KCNK12: variants seen among roughly 807,000 people sequenced by gnomAD.
KCNK12 encodes potassium channel subfamily K member 12.
A neutral mutation model predicts 25.3 loss-of-function variants in KCNK12; 6 were observed. The observed-to-expected ratio is 0.24, with a 90% confidence interval of 0.13 to 0.47. The LOEUF is 0.47. KCNK12 is among the 20% of genes least tolerant of loss of function. The pLI is 0.99. For missense variants in KCNK12, 444 were observed against 661.7 expected (o/e 0.67, Z 3.61); for synonymous variants, 331 against 311.1 (o/e 1.06, Z -0.67).
In KCNK12 at chr2:47,512,435, C is replaced by G. The variant is rs114545543; in HGVS notation, c.*8472G>C. The G allele has an allele frequency of 5.8e-4, 924 of 1,599,998 alleles. 3 individuals are homozygous for G. The African/African-American group carries it at 0.011, about 18-fold the overall frequency. On this transcript the variant is annotated 3_prime_UTR_variant, in exon 2 of 2. Coordinates refer to ENST00000327876, the MANE Select transcript of KCNK12 (RefSeq NM_022055.2). ...CCAGGGCAGTGGTGAGCTCTCATGA[C>G]CTGGTGTCTGTTGCCTTCTGGTTAA...
Position 47,569,927 on chromosome 2 carries a change from G to T in KCNK12, c.391+14C>A. 1.5e-6 allele frequency: 2 copies of T among 1,368,266 alleles called. No homozygotes were observed. Among genetic ancestry groups the T allele is most frequent in the Non-Finnish European group, 1.9e-6 (2 of 1,055,026 alleles). 84.8% of individuals were successfully genotyped at this position (1,368,266 alleles called of 1,614,324 possible). A position where few individuals can be genotyped will look rare whatever the true frequency, so the allele number is the denominator to read the frequency against. On this transcript the variant is annotated intron_variant, in intron 1 of 1. Coordinates refer to ENST00000327876, the MANE Select transcript of KCNK12 (RefSeq NM_022055.2). This position sits in a 1 kb window ranked among gnomAD's most constrained non-coding sequence, Gnocchi z 4.1. Reference sequence around the variant, plus strand: ...GCACAGAGAGGAAAGATGCGCGGGGGACGCGCCGCTCACCTATGGTTGACA... The same window carrying T: ...GCACAGAGAGGAAAGATGCGCGGGGTACGCGCCGCTCACCTATGGTTGACA...
In KCNK12 at chr2:47,515,591, C is replaced by T. The variant is rs1420128318; in HGVS notation, c.*5316G>A. Reference sequence around the variant, plus strand: ...TCCCTGCTGTAGATAAAAGATGGAGCTTGTGCTTCTGAGTGGTCATGCTCA... The same window carrying T: ...TCCCTGCTGTAGATAAAAGATGGAGTTTGTGCTTCTGAGTGGTCATGCTCA... On this transcript the variant is annotated 3_prime_UTR_variant, in exon 2 of 2. Transcript: ENST00000327876. Among the ~76,000 whole-genome samples, 1 of 152,132 alleles carries T rather than the reference C, an allele frequency of 6.6e-6. No homozygotes were observed. The highest frequency in any genetic ancestry group is 1.5e-5 in the Non-Finnish European group (1 of 68,028).
intron 1 of KCNK12, among the ~76,000 whole-genome samples, chr2:47,550,378 CTTTT>C (rs746872422): frequency 9.7e-6 from 1 of 103,182 alleles, no homozygotes; most frequent in Non-Finnish European, 1.8e-5. Context: ...TATTCACAGA[CTTTT>C]TTTTTTTTTT....
Position 47,569,568 on chromosome 2 carries a change from A to C in KCNK12, c.391+373T>G, listed in dbSNP as rs1669846935. On this transcript the variant is annotated intron_variant, in intron 1 of 1. Coordinates refer to ENST00000327876, the MANE Select transcript of KCNK12 (RefSeq NM_022055.2). This position sits in a 1 kb window ranked among gnomAD's most constrained non-coding sequence, Gnocchi z 4.1. Reference sequence around the variant, plus strand: ...AGGGTGGAGGGAGAAGGGGCTTTTGAGATCATCCTGGAGAGGAAACTGAGG... The same window carrying C: ...AGGGTGGAGGGAGAAGGGGCTTTTGCGATCATCCTGGAGAGGAAACTGAGG... Among the ~76,000 whole-genome samples the C allele has an allele frequency of 6.6e-6, 1 of 152,170 alleles. No homozygotes were observed. The highest frequency in any genetic ancestry group is 1.5e-5 in the Non-Finnish European group (1 of 68,022).
Position 47,529,711 on chromosome 2 carries a change from A to G in KCNK12, c.392-7903T>C, listed in dbSNP as rs1402315321. Among the ~76,000 whole-genome samples the G allele has an allele frequency of 6.6e-6, 1 of 152,188 alleles. No homozygotes were observed. Among genetic ancestry groups the G allele is most frequent in the Non-Finnish European group, 1.5e-5 (1 of 68,030 alleles). The stretch of plus-strand genomic sequence containing the variant: ...GCAGAGCATTTTCATGACTACAGAG[A>G]AACCATGGGAAGGCTGAGGCGTGGA... On this transcript the variant is annotated intron_variant, in intron 1 of 1. Coordinates refer to ENST00000327876, the MANE Select transcript of KCNK12 (RefSeq NM_022055.2). The surrounding 1 kb of genome is among the most constrained non-coding windows in gnomAD (Gnocchi z 4.3).
chr2:47,543,880 T>G (rs1572597480), intron 1 of KCNK12: 1 of 152,360 alleles, frequency 6.6e-6, no homozygotes, highest in Admixed American at 6.5e-5. Context: ...CCCACCCAGC[T>G]TCAATCCTCA....
chr2:47,560,919 C>A lies in KCNK12; in HGVS notation c.391+9022G>T, dbSNP rs1351472060. On this transcript the variant is annotated intron_variant, in intron 1 of 1. Transcript: ENST00000327876. This position sits in a 1 kb window ranked among gnomAD's most constrained non-coding sequence, Gnocchi z 4.7. ...CTGTCCTGCTCCGGGAGGCTTCTGC[C>A]TGGGAAGGGGGTCCCGGTGCTTCCT... is the stretch of plus-strand genomic sequence containing the variant. 3.9e-5 allele frequency among the ~76,000 whole-genome samples: 6 copies of A among 152,166 alleles called. No individual in the cohort carries two copies. Among genetic ancestry groups the A allele is most frequent in the Admixed American group, 3.9e-4 (6 of 15,280 alleles).
chr2:47,541,978 T>TAGCAGCAGCAGCAGC (rs908359477), intron 1 of KCNK12, among the ~76,000 whole-genome samples: 3 of 152,104 alleles, frequency 2.0e-5, no homozygotes, highest in Non-Finnish European at 2.9e-5. Context: ...CTGTTTTCTG[T>TAGCAGCAGCAGCAGC]AGCAGCAGCA....
intron 1 of KCNK12, chr2:47,535,344 C>T (rs977344562): frequency 8.6e-6 from 2 of 232,684 alleles, no homozygotes; most frequent in Non-Finnish European, 1.7e-5. Context: ...GCACATGGGT[C>T]TCTCTCTCTT....
chr2:47,568,250 A>G (rs1488455721), intron 1 of KCNK12, among the ~76,000 whole-genome samples: 1 of 151,960 alleles, frequency 6.6e-6, no homozygotes, highest in African/African-American at 2.4e-5. Flanking sequence ...ACAATGAGCT[A>G]TGGATGCATG....
chr2:47,534,313 C>T (rs979689067), intron 1 of KCNK12, among the ~76,000 whole-genome samples: 9 of 152,088 alleles, frequency 5.9e-5, no homozygotes, highest in African/African-American at 1.2e-4. Context: ...TATTAAAAGC[C>T]GGTTAACCAC....
chr2:47,516,658 G>A lies in KCNK12; in HGVS notation c.*4249C>T, dbSNP rs1177555973. 2.6e-5 allele frequency: 4 copies of A among 152,216 alleles called. No homozygotes were observed. Among genetic ancestry groups the A allele is most frequent in the African/African-American group, 7.2e-5 (3 of 41,444 alleles). The allele number at this position is 152,216 out of a possible 1,614,324, so 9.4% of individuals were successfully genotyped here. A position where few individuals can be genotyped will look rare whatever the true frequency, so the allele number is the denominator to read the frequency against. ...TGGAATGCTGCTCAGAAAAATAGATGTATTGTTTGAGAAACCCTGCAGGCT... is the reference window on the plus strand; with the variant it reads ...TGGAATGCTGCTCAGAAAAATAGATATATTGTTTGAGAAACCCTGCAGGCT... On this transcript the variant is annotated 3_prime_UTR_variant, in exon 2 of 2. Coordinates refer to ENST00000327876, the MANE Select transcript of KCNK12 (RefSeq NM_022055.2).
In KCNK12 at chr2:47,567,571, A is replaced by G. The variant is rs1284428124; in HGVS notation, c.391+2370T>C. On this transcript the variant is annotated intron_variant, in intron 1 of 1. Coordinates refer to ENST00000327876, the MANE Select transcript of KCNK12 (RefSeq NM_022055.2). ...CTTATCTGACTGATGGAAGTGACCA[A>G]TTTGAACCACTGACCCCAGAATATC... Among the ~76,000 whole-genome samples, 4 of 152,202 alleles carry G rather than the reference A, an allele frequency of 2.6e-5. No homozygotes were observed. The East Asian group carries it at 7.7e-4, about 29-fold the overall frequency.
chr2:47,535,812 G>C (rs1012865068), intron 1 of KCNK12, among the ~76,000 whole-genome samples: 1 of 152,156 alleles, frequency 6.6e-6, no homozygotes, highest in Non-Finnish European at 1.5e-5. Context: ...TACTGCGCCA[G>C]GGTACTTGCT....
intron 1 of KCNK12, among the ~76,000 whole-genome samples, chr2:47,541,780 G>C (rs1669205705): frequency 6.6e-6 from 1 of 152,192 alleles, no homozygotes; most frequent in South Asian, 2.1e-4. Flanking sequence ...CAAGGAGAGA[G>C]TCCTCAGGAG....
Position 47,548,491 on chromosome 2 carries a change from A to T in KCNK12, c.391+21450T>A, listed in dbSNP as rs139351350. 1.7e-3 allele frequency among the ~76,000 whole-genome samples: 257 copies of T among 152,310 alleles called. No individual in the cohort carries two copies. The highest frequency in any genetic ancestry group is 6.0e-3 in the African/African-American group (250 of 41,562). On this transcript the variant is annotated intron_variant, in intron 1 of 1. Coordinates refer to ENST00000327876, the MANE Select transcript of KCNK12 (RefSeq NM_022055.2). The surrounding 1 kb of genome is among the most constrained non-coding windows in gnomAD (Gnocchi z 4.4). ...TGGCAAATCCATCCTTGCAGTTGCT[A>T]AGGGCAAAAGTCTTAGAGCCCTTTT...
intron 1 of KCNK12, among the ~76,000 whole-genome samples, chr2:47,523,196 C>T (rs759331182): frequency 6.6e-6 from 1 of 152,208 alleles, no homozygotes; most frequent in African/African-American, 2.4e-5. Flanking sequence ...TGGGATTGTT[C>T]ACTCTGGGAC....
Position 47,564,633 on chromosome 2 carries a change from A to G in KCNK12, c.391+5308T>C, listed in dbSNP as rs542797010. The G allele has an allele frequency of 3.3e-5, 6 of 182,382 alleles. No homozygotes were observed. The South Asian group carries it at 5.9e-4, about 18-fold the overall frequency. The allele number at this position is 182,382 out of a possible 1,614,324, so 11.3% of individuals were successfully genotyped here. A position where few individuals can be genotyped will look rare whatever the true frequency, so the allele number is the denominator to read the frequency against. ...TACAAAAGGCATGACAAGGAACTGC[A>G]GGGGAACGTGCAGACATGAAGAGTT... On this transcript the variant is annotated intron_variant, in intron 1 of 1. Transcript: ENST00000327876.
In KCNK12 at chr2:47,512,786, G is replaced by A. The variant is rs961988509; in HGVS notation, c.*8121C>T. On this transcript the variant is annotated 3_prime_UTR_variant, in exon 2 of 2. Coordinates refer to ENST00000327876, the MANE Select transcript of KCNK12 (RefSeq NM_022055.2). ...GTTGGTTGGGGAGGGCAGGAAGAGG[G>A]AGGAAAGAGGAAGGGACTCACTTCC... 6 of 203,724 alleles carry A rather than the reference G, an allele frequency of 2.9e-5. No individual in the cohort carries two copies. The East Asian group carries it at 6.0e-4, about 20-fold the overall frequency. The allele number at this position is 203,724 out of a possible 1,614,324, so 12.6% of individuals were successfully genotyped here.
Sources: allele counts gnomAD v4.1 joint callset (sites outside exome capture counted in the v4.1 genomes callset), GRCh38; gene constraint gnomAD v4.1.1; non-coding constraint Gnocchi (gnomAD v3.1); transcripts MANE v1.5; gene names NCBI Gene and HGNC (gene_info 2026-07-23, HGNC 2026-07-21).